Variants in RYR3 observed in about 807,000 individuals in gnomAD.
RYR3 encodes the protein brain ryanodine receptor-calcium release channel.
Under a neutral mutation model 584.3 loss-of-function variants are expected in RYR3, and 207 were observed. That is an observed-to-expected ratio of 0.35 (90% CI 0.32 to 0.40). The LOEUF (loss-of-function observed/expected upper bound fraction) is 0.40. Ranked by LOEUF, RYR3 falls within the 10% of genes least tolerant of loss-of-function variation. The probability of loss-of-function intolerance (pLI) is 1.00; values close to 1 mark genes in which losing one functional copy is unlikely to be tolerated. For synonymous variants in RYR3, 2,416 were observed against 2,248.5 expected (o/e 1.07, Z -2.11); for missense variants, 5,616 against 6,089.2 (o/e 0.92, Z 2.59).
At chr15:33,566,436 T>C (rs1319490705) in intron 11 of RYR3, among the ~76,000 whole-genome samples, 1 of 152,214 alleles carries the variant, frequency 6.6e-6, no homozygotes, top group East Asian at 1.9e-4. Flanking sequence ...TGGTAACTCA[T>C]ACCATGGTGG....
intron 82 of RYR3, 51 bp downstream of exon 82, chr15:33,825,727 T>A: frequency 1.5e-6 from 1 of 665,140 alleles, no homozygotes; most frequent in Non-Finnish European, 2.2e-6. Flanking sequence ...TAAAATCTTT[T>A]TTTTTTTTTT....
chr15:33,621,693 A>G (rs759321437), intron 19 of RYR3, among the ~76,000 whole-genome samples: 1 of 152,178 alleles, frequency 6.6e-6, no homozygotes, highest in Non-Finnish European at 1.5e-5. Context: ...TATGATTTCT[A>G]TAATTAATTT....
chr15:33,614,285 G>C lies in RYR3; in HGVS notation c.2357+910G>C, dbSNP rs576739921. Reference sequence around the variant, plus strand: ...ATTATGATGTACTGCCCCTCACCTGGCTGCAGTTTCTGCTTAATGTACATA... The same window carrying C: ...ATTATGATGTACTGCCCCTCACCTGCCTGCAGTTTCTGCTTAATGTACATA... On this transcript the variant is annotated intron_variant, in intron 19 of 103. Coordinates refer to ENST00000634891, the MANE Select transcript of RYR3 (RefSeq NM_001036.6). 9.2e-5 allele frequency among the ~76,000 whole-genome samples: 14 copies of C among 152,164 alleles called. No individual in the cohort carries two copies. In the South Asian group the frequency reaches 2.5e-3, roughly 27 times the overall value.
chr15:33,515,228 A>C (rs1013164533), intron 3 of RYR3, among the ~76,000 whole-genome samples: 1 of 152,080 alleles, frequency 6.6e-6, no homozygotes, highest in African/African-American at 2.4e-5. Context: ...GTAAAACCTC[A>C]CCTCCACAAT....
intron 19 of RYR3, among the ~76,000 whole-genome samples, chr15:33,617,506 G>T (rs1188533451): frequency 1.3e-5 from 2 of 152,108 alleles, no homozygotes; most frequent in Non-Finnish European, 2.9e-5. Context: ...ATCTCTCCCA[G>T]CAAGATGCAA....
intron 1 of RYR3, among the ~76,000 whole-genome samples, chr15:33,375,787 A>G (rs1274060528): frequency 6.6e-6 from 1 of 152,206 alleles, no homozygotes; most frequent in Non-Finnish European, 1.5e-5. Flanking sequence ...ATTTCTGGCC[A>G]GGCGCAGTGG....
chr15:33,426,850 G>T (rs1218205547), intron 1 of RYR3, among the ~76,000 whole-genome samples: 1 of 152,200 alleles, frequency 6.6e-6, no homozygotes. Context: ...TCAGGTTCTG[G>T]TGAGAGCCCT....
chr15:33,595,744 C>T (rs1460019331), intron 16 of RYR3, among the ~76,000 whole-genome samples: 2 of 152,096 alleles, frequency 1.3e-5, no homozygotes, highest in East Asian at 3.9e-4. Flanking sequence ...GAGTTAGAGC[C>T]CTGTAACTCA....
intron 91 of RYR3, among the ~76,000 whole-genome samples, chr15:33,843,177 G>A (rs770928559): frequency 5.9e-5 from 9 of 152,038 alleles, no homozygotes; most frequent in Admixed American, 2.0e-4. Flanking sequence ...AAAATTAGCC[G>A]GGTGTGTTGG....
At chr15:33,771,187 C>T (rs2073539665) in intron 62 of RYR3, among the ~76,000 whole-genome samples, 2 of 152,192 alleles carry the variant, frequency 1.3e-5, no homozygotes. Context: ...TTGCTCTTTT[C>T]CTCTAAGAGG....
At chr15:33,725,188 C>CACACACACATATAT (rs2068281151) in intron 45 of RYR3, among the ~76,000 whole-genome samples, 9 of 149,334 alleles carry the variant, frequency 6.0e-5, no homozygotes, top group East Asian at 2.0e-4. Context: ...CACACACACA[C>CACACACACATATAT]ACACACACAC....
At chr15:33,735,661 C>T (rs1271376219) in intron 48 of RYR3, among the ~76,000 whole-genome samples, 1 of 152,166 alleles carries the variant, frequency 6.6e-6, no homozygotes, top group Non-Finnish European at 1.5e-5. Context: ...GTGCCATGAA[C>T]TCTGTAATTT....
At chr15:33,570,531 T>C (rs1003803391) in intron 12 of RYR3, among the ~76,000 whole-genome samples, 1 of 152,182 alleles carries the variant, frequency 6.6e-6, no homozygotes, top group Non-Finnish European at 1.5e-5. Context: ...TCCAATTTTT[T>C]ACTTCTTTGC....
intron 38 of RYR3, among the ~76,000 whole-genome samples, chr15:33,687,077 CA>C (rs1479844418): frequency 6.6e-6 from 1 of 152,126 alleles, no homozygotes; most frequent in African/African-American, 2.4e-5. Flanking sequence ...GCCAATCAGG[CA>C]AGAGAAAGAA....
At chr15:33,740,852 G>A (rs986852458) in intron 51 of RYR3, among the ~76,000 whole-genome samples, 5 of 152,200 alleles carry the variant, frequency 3.3e-5, no homozygotes, top group African/African-American at 1.2e-4. Context: ...TCGTCTTTGG[G>A]ACAATTAAAC....
intron 44 of RYR3, 73 bp from the exon 45 acceptor site, chr15:33,723,992 A>C (rs2068145929): frequency 6.5e-6 from 5 of 764,368 alleles, no homozygotes; most frequent in Non-Finnish European, 1.1e-5. Flanking sequence ...CTTCCATATC[A>C]AGCAGCTTAT....
chr15:33,749,857 C>G, intron 55 of RYR3, 122 bp from the exon 56 acceptor site: 1 of 732,906 alleles, frequency 1.4e-6, no homozygotes, highest in Non-Finnish European at 2.3e-6. Context: ...AAGCCCTTGG[C>G]CGTCTGCTGT....
chr15:33,540,352 C>T (rs2055713597), intron 6 of RYR3, among the ~76,000 whole-genome samples: 1 of 152,054 alleles, frequency 6.6e-6, no homozygotes, highest in African/African-American at 2.4e-5. Context: ...CCATTTGTGT[C>T]AGGCACTTGT....
intron 12 of RYR3, among the ~76,000 whole-genome samples, chr15:33,568,846 T>C (rs1247184033): frequency 1.3e-5 from 2 of 152,246 alleles, no homozygotes; most frequent in African/African-American, 2.4e-5. Flanking sequence ...CAGTTTATTC[T>C]AGTTGCCACC....
Sources: allele counts gnomAD v4.1 joint callset (sites outside exome capture counted in the v4.1 genomes callset), GRCh38; gene constraint gnomAD v4.1.1; transcripts MANE v1.5; gene names NCBI Gene and HGNC (gene_info 2026-07-23, HGNC 2026-07-21).